The following POLN variants were observed in gnomAD, a reference collection of about 807,000 sequenced individuals.
POLN encodes the protein DNA polymerase nu.
A neutral mutation model predicts 113.5 loss-of-function variants in POLN; 108 were observed. The observed-to-expected ratio is 0.95, with a 90% CI of 0.81 to 1.12. The LOEUF (loss-of-function observed/expected upper bound fraction) is 1.12, where lower values mean the gene tolerates loss of function less well. Among genes scored for constraint, POLN ranks in the 50% most tolerant of loss-of-function variants. The pLI is 0.00. For missense variants in POLN, 1,097 were observed against 1,077.1 expected, an observed-to-expected ratio of 1.02 and a Z score of -0.26; for synonymous variants, 386 against 391.5, an observed-to-expected ratio of 0.99 and a Z score of 0.17.
chr4:2,241,427 C>G, intron 2 of POLN, 93 bp downstream of exon 2: 1 of 881,344 alleles, frequency 1.1e-6, no homozygotes, highest in Non-Finnish European at 1.4e-6. Context: ...CCCAAGCCAC[C>G]AGGAGGCTAG....
chr4:2,074,019 T>G (rs1177794066), intron 24 of POLN, among the ~76,000 whole-genome samples: 3 of 152,234 alleles, frequency 2.0e-5, no homozygotes, highest in African/African-American at 7.2e-5. Context: ...GGGGCGAGGC[T>G]GGAGAGCCGG....
rs1236744626 is a variant in POLN, at chr4:2,085,638, T to TGCTCGG, written c.2166_2171dup (p.Arg723_Ala724dup). 1.2e-6 allele frequency: 2 copies of TGCTCGG among 1,614,132 alleles called. No individual in the cohort carries two copies. The highest frequency in any genetic ancestry group is 4.5e-5 in the East Asian group (2 of 44,888). On this transcript the variant is annotated inframe_insertion, in exon 21 of 26. Transcript: ENST00000511885. ...CTGTCTGGTGACACTGGGCAATAGCTGCTCGGGCGAAGTCCTTGATTTTCT... is the reference window on the plus strand; with the variant it reads ...CTGTCTGGTGACACTGGGCAATAGCTGCTCGGGCTCGGGCGAAGTCCTTGATTTTCT...
intron 16 of POLN, among the ~76,000 whole-genome samples, chr4:2,133,223 T>C (rs1295218350): frequency 6.7e-6 from 1 of 149,532 alleles, no homozygotes; most frequent in Non-Finnish European, 1.5e-5. Context: ...GGTGGGAAAG[T>C]AAATTAGTGC....
Position 2,129,226 on chromosome 4 carries a change from G to A in POLN, c.1820C>T (p.Pro607Leu), listed in dbSNP as rs745841847. The change falls in exon 18 of 26, where the codon CCG becomes CTG. Residue 607 changes from proline (P) to leucine (L), a missense_variant. Transcript: ENST00000511885. ...GKEDKILTISPRAMFVSSKGH... is the reference protein window; with the variant it reads ...GKEDKILTISLRAMFVSSKGH... ...TTTGGATGAAACAAACATGGCCCTC[G>A]GGGAGATCGTGAGAATCTTGTCTTC... The A allele has an allele frequency of 2.0e-5, 32 of 1,599,604 alleles. No homozygotes were observed. Among genetic ancestry groups the A allele is most frequent in the Non-Finnish European group, 2.6e-5 (30 of 1,167,136 alleles).
At chr4:2,189,362 A>G (rs10003295) in intron 7 of POLN, among the ~76,000 whole-genome samples, 37,495 of 152,146 alleles carry the variant, frequency 0.25, 7,147 homozygotes, top group African/African-American at 0.51. Flanking sequence ...GTTACCGGCC[A>G]GGCACAGTGG....
At chr4:2,210,487 G>A (rs2108765160) in intron 4 of POLN, among the ~76,000 whole-genome samples, 1 of 151,294 alleles carries the variant, frequency 6.6e-6, no homozygotes, top group East Asian at 1.9e-4. Context: ...AGGCTGAGGT[G>A]GGAGGATCAC....
chr4:2,101,219 T>C (rs1730914945), intron 19 of POLN, among the ~76,000 whole-genome samples: 3 of 151,958 alleles, frequency 2.0e-5, no homozygotes, highest in East Asian at 1.9e-4. Context: ...AATAGGAGTG[T>C]GTTGAAAAGA....
chr4:2,184,434 T>C (rs558848598), intron 7 of POLN, among the ~76,000 whole-genome samples: 7 of 152,154 alleles, frequency 4.6e-5, no homozygotes, highest in Admixed American at 3.9e-4. Context: ...AGTGATCTTA[T>C]ATACAGCCAA....
chr4:2,222,691 C>T (rs1305619519), intron 3 of POLN, among the ~76,000 whole-genome samples: 1 of 149,122 alleles, frequency 6.7e-6, no homozygotes, highest in Non-Finnish European at 1.5e-5. Flanking sequence ...TTATCACCCA[C>T]GGCCTTTTTT....
chr4:2,215,673 G>C (rs1481510334), intron 3 of POLN, among the ~76,000 whole-genome samples: 1 of 152,174 alleles, frequency 6.6e-6, no homozygotes, highest in Admixed American at 6.5e-5. Context: ...TACTAAAGGG[G>C]CATATGGGAA....
chr4:2,072,851 G>A (rs1730182430), intron 25 of POLN, 117 bp downstream of exon 25: 2 of 1,048,674 alleles, frequency 1.9e-6, no homozygotes, highest in Non-Finnish European at 2.9e-6. Flanking sequence ...GCCTGCTGTG[G>A]AGTGGCCATC....
At chr4:2,177,216 G>A (rs1577743855) in intron 8 of POLN, 1 of 439,466 alleles carries the variant, frequency 2.3e-6, no homozygotes, top group East Asian at 7.4e-5. Flanking sequence ...ATACCCCCAG[G>A]ACAGGCCCAG....
At chr4:2,124,685 G>T (rs546437349) in intron 19 of POLN, among the ~76,000 whole-genome samples, 1 of 152,296 alleles carries the variant, frequency 6.6e-6, no homozygotes, top group South Asian at 2.1e-4. Context: ...CGGGGGCACA[G>T]AGACCAGGAG....
chr4:2,231,882 TAAATA>T (rs1350182752), intron 2 of POLN: 6 of 841,616 alleles, frequency 7.1e-6, no homozygotes, highest in Non-Finnish European at 5.7e-6. Context: ...AGTCTTCTAA[TAAATA>T]AAAGAGGACA....
intron 3 of POLN, among the ~76,000 whole-genome samples, chr4:2,218,563 T>G (rs1232924305): frequency 6.6e-6 from 1 of 152,186 alleles, no homozygotes. Flanking sequence ...TGTGTGCTTA[T>G]CTCCCATGTT....
In POLN at chr4:2,213,035, G is replaced by T; in HGVS notation, c.213+12C>A. The T allele has an allele frequency of 6.4e-7, 1 of 1,572,050 alleles. No individual in the cohort carries two copies. Among genetic ancestry groups the T allele is most frequent in the Non-Finnish European group, 8.7e-7 (1 of 1,147,388 alleles). On this transcript the variant is annotated intron_variant, in intron 4 of 25. Coordinates refer to ENST00000511885, the MANE Select transcript of POLN (RefSeq NM_181808.4). ...TATCTATTTAAAATTACTCATATGT[G>T]CAATGATTTACCTTTTTTTCTGGTG...
chr4:2,238,461 A>T, intron 2 of POLN: 2 of 521,970 alleles, frequency 3.8e-6, no homozygotes, highest in Admixed American at 3.7e-5. Context: ...AAAAAGGCAT[A>T]TGAAAATGGA....
At chr4:2,164,908 C>T (rs1423160427) in intron 13 of POLN, among the ~76,000 whole-genome samples, 1 of 146,004 alleles carries the variant, frequency 6.8e-6, no homozygotes, top group Non-Finnish European at 1.5e-5. Context: ...ACCAACACCA[C>T]CAAGTGCTGG....
intron 23 of POLN, chr4:2,080,207 T>A (rs1730372506): frequency 1.0e-6 from 1 of 987,648 alleles, no homozygotes; most frequent in South Asian, 4.6e-5. Flanking sequence ...GGGTCACCAC[T>A]TGCAGCACCC....
Sources: gnomAD v4.1 joint callset for allele counts (sites outside exome capture counted in the v4.1 genomes callset) on GRCh38, gnomAD v4.1.1 for gene constraint, MANE v1.5 for transcripts, NCBI Gene and HGNC (gene_info 2026-07-23, HGNC 2026-07-21) for gene names.